The following RABGAP1L variants were observed in gnomAD, a reference collection of about 807,000 sequenced individuals.
The protein encoded by RABGAP1L is RAB GTPase activating protein 1 like, also known as rab GTPase-activating protein 1-like.
A neutral mutation model predicts 137.7 loss-of-function variants in RABGAP1L; 63 were observed. The observed-to-expected ratio is 0.46, with a 90% CI of 0.37 to 0.56. RABGAP1L has a LOEUF of 0.56. Ranked by LOEUF, RABGAP1L falls within the 20% of genes least tolerant of loss-of-function variation. The pLI, the probability that RABGAP1L is intolerant of heterozygous loss-of-function variation, is 0.00. For missense variants in RABGAP1L, 1,095 were observed against 1,244.0 expected, an observed-to-expected ratio of 0.88 and a Z score of 1.80; for synonymous variants, 431 against 433.7, an observed-to-expected ratio of 0.99 and a Z score of 0.08.
chr1:174,437,349 A>G (rs573102554), intron 13 of RABGAP1L, among the ~76,000 whole-genome samples: 1 of 152,194 alleles, frequency 6.6e-6, no homozygotes, highest in Non-Finnish European at 1.5e-5. Flanking sequence ...GATAACTAGA[A>G]TAACCAATGC....
chr1:174,799,813 A>G, intron 18 of RABGAP1L: 1 of 998,014 alleles, frequency 1.0e-6, no homozygotes. Context: ...GCTTGTCACG[A>G]ATCGAGGATT....
At chr1:174,795,654 TTTCCA>T (rs1688191535) in intron 18 of RABGAP1L, among the ~76,000 whole-genome samples, 1 of 152,204 alleles carries the variant, frequency 6.6e-6, no homozygotes, top group South Asian at 2.1e-4. Flanking sequence ...CAGCCTTGGC[TTTCCA>T]GGCTCAAGTG....
chr1:174,839,039 G>GTGTGTT (rs1553261083), intron 19 of RABGAP1L, among the ~76,000 whole-genome samples: 1 of 147,008 alleles, frequency 6.8e-6, no homozygotes, highest in East Asian at 2.0e-4. Flanking sequence ...GTGTGTGTGT[G>GTGTGTT]TGTGTGTGTG....
intron 10 of RABGAP1L, among the ~76,000 whole-genome samples, chr1:174,296,042 G>T (rs112762861): frequency 0.01 from 1,534 of 152,260 alleles, 14 homozygotes; most frequent in Non-Finnish European, 0.015. Flanking sequence ...AGAGGAGGAG[G>T]ATTGAGCCAA....
At chr1:174,787,954 C>G (rs1687581421) in intron 18 of RABGAP1L, among the ~76,000 whole-genome samples, 1 of 152,142 alleles carries the variant, frequency 6.6e-6, no homozygotes, top group Non-Finnish European at 1.5e-5. Context: ...CTCCACTTTT[C>G]TTTTATCTTC....
chr1:174,584,210 A>G (rs775355908), intron 13 of RABGAP1L, among the ~76,000 whole-genome samples: 1 of 152,192 alleles, frequency 6.6e-6, no homozygotes, highest in Non-Finnish European at 1.5e-5. Flanking sequence ...TGCCATCTCA[A>G]TACAGGATTA....
intron 13 of RABGAP1L, among the ~76,000 whole-genome samples, chr1:174,606,041 A>G (rs575715894): frequency 6.6e-6 from 1 of 152,286 alleles, no homozygotes; most frequent in African/African-American, 2.4e-5. Flanking sequence ...TATTCTTCTT[A>G]GTGCCTCAGA....
intron 22 of RABGAP1L, among the ~76,000 whole-genome samples, 168 bp downstream of exon 22, chr1:174,976,350 A>AC (rs1553299100): frequency 1.3e-5 from 2 of 150,108 alleles, no homozygotes; most frequent in Non-Finnish European, 3.0e-5. Flanking sequence ...CATTTCTGAC[A>AC]TTTTTTTTTT....
chr1:174,430,013 G>A (rs1472256207), intron 13 of RABGAP1L, among the ~76,000 whole-genome samples: 2 of 152,126 alleles, frequency 1.3e-5, no homozygotes, highest in African/African-American at 4.8e-5. Context: ...TTGATACAAA[G>A]CATGTAAATT....
At chr1:174,413,928 A>G (rs1215649307) in intron 13 of RABGAP1L, among the ~76,000 whole-genome samples, 2 of 127,938 alleles carry the variant, frequency 1.6e-5, no homozygotes, top group Non-Finnish European at 3.1e-5. Context: ...CTTAACTACC[A>G]TAGGACAGAG....
chr1:174,549,405 C>G (rs1226569665), intron 13 of RABGAP1L, among the ~76,000 whole-genome samples: 1 of 151,990 alleles, frequency 6.6e-6, no homozygotes, highest in African/African-American at 2.4e-5. Flanking sequence ...TGAAAGATAA[C>G]ATAAGAAAGC....
At chr1:174,717,942 A>C (rs332780) in intron 17 of RABGAP1L, among the ~76,000 whole-genome samples, 22,103 of 152,180 alleles carry the variant, frequency 0.15, 5,367 homozygotes, top group African/African-American at 0.5. Flanking sequence ...GTTATAGTTC[A>C]CACGGAACTA....
At chr1:174,489,990 G>A (rs1660063467) in intron 13 of RABGAP1L, among the ~76,000 whole-genome samples, 1 of 152,018 alleles carries the variant, frequency 6.6e-6, no homozygotes, top group Non-Finnish European at 1.5e-5. Context: ...CCTTCTCTGA[G>A]TTATCTTGAA....
intron 3 of RABGAP1L, 71 bp downstream of exon 3, chr1:174,221,235 A>C: frequency 8.1e-7 from 1 of 1,240,134 alleles, no homozygotes; most frequent in Non-Finnish European, 1.1e-6. Context: ...TAAGATGAAA[A>C]TCAGAAAAAA....
Position 174,825,997 on chromosome 1 carries a change from A to G in RABGAP1L, c.2340+14037A>G, listed in dbSNP as rs184378128. 2.6e-5 allele frequency among the ~76,000 whole-genome samples: 4 copies of G among 152,290 alleles called. No individual in the cohort carries two copies. In the East Asian group the frequency reaches 7.7e-4, roughly 29 times the overall value. On this transcript the variant is annotated intron_variant, in intron 19 of 25. Coordinates refer to ENST00000681986, the MANE Select transcript of RABGAP1L (RefSeq NM_001366446.1). ...TGGAGTACAAAGGAATCTCTCACCC[A>G]GATAGTGAGCTTGGTGCGCAACAGG...
chr1:174,447,161 G>A lies in RABGAP1L; in HGVS notation c.1710+53016G>A, dbSNP rs559504279. On this transcript the variant is annotated intron_variant, in intron 13 of 25. Coordinates refer to ENST00000681986, the MANE Select transcript of RABGAP1L (RefSeq NM_001366446.1). ...TTGAAAAGGAAGAGGTATAAGTTAC[G>A]TTGCTGTTAGTACCACCAGTAACTG... is the stretch of plus-strand genomic sequence containing the variant. Among the ~76,000 whole-genome samples the A allele has an allele frequency of 1.1e-4, 17 of 152,232 alleles. No homozygotes were observed. In the East Asian group the frequency reaches 1.5e-3, roughly 14 times the overall value.
chr1:174,874,514 T>G, intron 19 of RABGAP1L: 1 of 984,662 alleles, frequency 1.0e-6, no homozygotes, highest in Non-Finnish European at 1.2e-6. Flanking sequence ...CTGGTAAGTT[T>G]TAGCTTCAAA....
chr1:174,405,809 C>G (rs1457897365), intron 13 of RABGAP1L, among the ~76,000 whole-genome samples: 1 of 151,860 alleles, frequency 6.6e-6, no homozygotes, highest in Non-Finnish European at 1.5e-5. Context: ...GAAACCCTGT[C>G]TCTACAAAAA....
chr1:174,632,345 T>G (rs1264280924), intron 13 of RABGAP1L, among the ~76,000 whole-genome samples: 4 of 148,056 alleles, frequency 2.7e-5, no homozygotes. Flanking sequence ...TCATTTCAAC[T>G]TTGGTGAATC....
Sources: gnomAD v4.1 joint callset for allele counts (sites outside exome capture counted in the v4.1 genomes callset) on GRCh38, gnomAD v4.1.1 for gene constraint, MANE v1.5 for transcripts, NCBI Gene and HGNC (gene_info 2026-07-23, HGNC 2026-07-21) for gene names.